Variants in ULK4 observed in about 807,000 individuals in gnomAD.
ULK4 encodes the protein inactive serine/threonine-protein kinase ULK4.
ULK4 carries 133 observed loss-of-function variants against 160.6 expected under a neutral mutation model. The ratio of observed to expected loss-of-function variants is 0.83; its 90% CI spans 0.72 to 0.96. The LOEUF is 0.96. ULK4 is among the 40% of genes least tolerant of loss of function. The pLI is 0.00. For synonymous variants in ULK4, 534 were observed against 539.8 expected, an observed-to-expected ratio of 0.99 and a Z score of 0.15; for missense variants, 1,580 against 1,499.5, an observed-to-expected ratio of 1.05 and a Z score of -0.89.
At chr3:41,799,769 A>G (rs2040401792) in intron 20 of ULK4, among the ~76,000 whole-genome samples, 1 of 152,174 alleles carries the variant, frequency 6.6e-6, no homozygotes, top group South Asian at 2.1e-4. Context: ...AGGCTGACGC[A>G]GTAGAATTAC....
At chr3:41,879,267 T>C (rs139042346) in intron 17 of ULK4, among the ~76,000 whole-genome samples, 1 of 152,248 alleles carries the variant, frequency 6.6e-6, no homozygotes, top group Non-Finnish European at 1.5e-5. Context: ...ATCATGGTTA[T>C]ACATTTTTCT....
intron 22 of ULK4, among the ~76,000 whole-genome samples, chr3:41,726,819 T>G (rs1169611341): frequency 6.6e-6 from 1 of 152,168 alleles, no homozygotes; most frequent in Non-Finnish European, 1.5e-5. Context: ...ATTTAATTTT[T>G]ATATTTTTAA....
intron 32 of ULK4, among the ~76,000 whole-genome samples, chr3:41,536,607 C>G (rs1479778903): frequency 1.3e-5 from 2 of 152,056 alleles, no homozygotes; most frequent in Non-Finnish European, 2.9e-5. Flanking sequence ...ATTCTTATAA[C>G]AAAGTAAGCT....
chr3:41,415,132 C>T (rs570838229), intron 34 of ULK4, among the ~76,000 whole-genome samples: 5 of 152,228 alleles, frequency 3.3e-5, no homozygotes, highest in African/African-American at 9.6e-5. Context: ...ACAAAAGAAG[C>T]GGAAAGCATC....
chr3:41,248,374 TG>T (rs1489836866), intron 36 of ULK4, among the ~76,000 whole-genome samples: 4 of 152,142 alleles, frequency 2.6e-5, no homozygotes, highest in Non-Finnish European at 5.9e-5. Flanking sequence ...CTCAGCAAGG[TG>T]TGAAGGGGCT....
intron 11 of ULK4, among the ~76,000 whole-genome samples, chr3:41,909,087 C>A (rs1698681131): frequency 3.1e-5 from 2 of 63,606 alleles, no homozygotes; most frequent in South Asian, 2.0e-3. Context: ...AGCAACACTC[C>A]ATCTCAAAAA....
At chr3:41,740,322 G>C (rs549777680) in intron 22 of ULK4, among the ~76,000 whole-genome samples, 1 of 151,174 alleles carries the variant, frequency 6.6e-6, no homozygotes, top group East Asian at 1.9e-4. Flanking sequence ...AATACTATGG[G>C]GAAGGAAAAA....
At chr3:41,590,244 C>T (rs997940211) in intron 31 of ULK4, among the ~76,000 whole-genome samples, 1 of 151,516 alleles carries the variant, frequency 6.6e-6, no homozygotes, top group Non-Finnish European at 1.5e-5. Context: ...CCTCATGATC[C>T]GCCTGCCTTG....
intron 13 of ULK4, chr3:41,899,388 G>A (rs1365264272): frequency 6.6e-6 from 1 of 152,150 alleles, no homozygotes; most frequent in Non-Finnish European, 1.5e-5. Flanking sequence ...AAGACTAAAA[G>A]TAGTTTAAAA....
At chr3:41,290,407 T>A (rs2079537815) in intron 35 of ULK4, among the ~76,000 whole-genome samples, 1 of 152,184 alleles carries the variant, frequency 6.6e-6, no homozygotes, top group South Asian at 2.1e-4. Context: ...AAAAGTCACT[T>A]CCACCAACTG....
At chr3:41,463,880 C>T (rs934606085) in intron 32 of ULK4, among the ~76,000 whole-genome samples, 1 of 151,794 alleles carries the variant, frequency 6.6e-6, no homozygotes, top group African/African-American at 2.4e-5. Flanking sequence ...ACATTTTTAT[C>T]CTATTATATA....
chr3:41,492,092 T>C (rs2084794434), intron 32 of ULK4, among the ~76,000 whole-genome samples: 1 of 151,404 alleles, frequency 6.6e-6, no homozygotes, highest in Non-Finnish European at 1.5e-5. Context: ...TAGTATTCCA[T>C]GGTGTATATG....
rs569780051 is a variant in ULK4 at position 41,826,101 on chromosome 3, A to T, written c.1765-6595T>A. Among the ~76,000 whole-genome samples the T allele has an allele frequency of 7.9e-4, 121 of 152,240 alleles. 1 individual carries two copies. Among genetic ancestry groups the T allele is most frequent in the African/African-American group, 2.7e-3 (114 of 41,550 alleles). On this transcript the variant is annotated intron_variant, in intron 18 of 36. Coordinates refer to ENST00000301831, the MANE Select transcript of ULK4 (RefSeq NM_017886.4). ...GAGAAATAAAATACTTTACAGACAAACAAATTTTGACAGATTTTGACACCA... is the reference window on the plus strand; with the variant it reads ...GAGAAATAAAATACTTTACAGACAATCAAATTTTGACAGATTTTGACACCA...
At chr3:41,852,488 T>G (rs1310276753) in intron 17 of ULK4, among the ~76,000 whole-genome samples, 3 of 152,178 alleles carry the variant, frequency 2.0e-5, no homozygotes, top group Non-Finnish European at 4.4e-5. Flanking sequence ...TGCATATTAC[T>G]CCTACTGAAA....
At chr3:41,658,728 TACACACACACAC>T (rs748566253) in intron 30 of ULK4, among the ~76,000 whole-genome samples, 2 of 84,486 alleles carry the variant, frequency 2.4e-5, no homozygotes, top group Admixed American at 1.1e-4. Context: ...TGAAAAACAG[TACACACACACAC>T]ACACACACAC....
At chr3:41,524,560 T>G (rs1456537289) in intron 32 of ULK4, among the ~76,000 whole-genome samples, 3 of 152,132 alleles carry the variant, frequency 2.0e-5, no homozygotes, top group Non-Finnish European at 4.4e-5. Flanking sequence ...TCCACAGTAC[T>G]CAGGATTAGA....
intron 35 of ULK4, among the ~76,000 whole-genome samples, chr3:41,286,080 A>T (rs2079451237): frequency 4.6e-5 from 7 of 152,220 alleles, no homozygotes. Flanking sequence ...ATCTAGAGAA[A>T]GAATATCTTT....
At chr3:41,428,391 A>G (rs1238300749) in intron 34 of ULK4, among the ~76,000 whole-genome samples, 1 of 152,148 alleles carries the variant, frequency 6.6e-6, no homozygotes, top group African/African-American at 2.4e-5. Flanking sequence ...TACCATTGAC[A>G]TTCTTCAAAG....
intron 30 of ULK4, among the ~76,000 whole-genome samples, chr3:41,636,344 G>C (rs1375629753): frequency 2.6e-5 from 4 of 152,036 alleles, no homozygotes; most frequent in Non-Finnish European, 4.4e-5. Context: ...AGACCAGCCT[G>C]GACAATATGG....
Sources: allele counts gnomAD v4.1 joint callset (sites outside exome capture counted in the v4.1 genomes callset), GRCh38; gene constraint gnomAD v4.1.1; transcripts MANE v1.5; gene names NCBI Gene and HGNC (gene_info 2026-07-23, HGNC 2026-07-21).